The following ATP8B3 variants were observed in gnomAD, a reference collection of about 807,000 sequenced individuals.
ATP8B3 encodes phospholipid-transporting ATPase IK.
Under a neutral mutation model 140.9 loss-of-function variants are expected in ATP8B3, and 141 were observed. The ratio of observed to expected loss-of-function variants is 1.00; its 90% confidence interval spans 0.87 to 1.15. The LOEUF is 1.15. Among genes scored for constraint, ATP8B3 ranks in the 50% most tolerant of loss-of-function variants. The pLI is 0.00. For missense variants in ATP8B3, 1,874 were observed against 1,740.6 expected, an observed-to-expected ratio of 1.08 and a Z score of -1.36; for synonymous variants, 765 against 714.6, an observed-to-expected ratio of 1.07 and a Z score of -1.13.
At chr19:1,783,811 G>A (rs956097592) in intron 28 of ATP8B3, among the ~76,000 whole-genome samples, 1 of 152,086 alleles carries the variant, frequency 6.6e-6, no homozygotes, top group South Asian at 2.1e-4. Flanking sequence ...TTCCATGCAT[G>A]CTTTGGTTAC....
chr19:1,783,250 G>T lies in ATP8B3; in HGVS notation c.3681C>A (p.Gly1227=), dbSNP rs1340242453. Residue 1227 remains glycine, a synonymous_variant, in exon 29 of 29, where the codon GGC becomes GGA. Coordinates refer to ENST00000310127, the MANE Select transcript of ATP8B3 (RefSeq NM_138813.4). The stretch of plus-strand genomic sequence containing the variant: ...CCATGGTGAAAATCTCCTCGCTGGG[G>T]CCCTCCTCCACCTTCTCCTCCTGAA... ...LRAKEEKVEE[G]PSEEIFTMEP... 1.2e-6 allele frequency: 2 copies of T among 1,609,742 alleles called. No homozygotes were observed. Among genetic ancestry groups the T allele is most frequent in the Non-Finnish European group, 8.5e-7 (1 of 1,178,086 alleles).
rs560109719 is a variant in ATP8B3, at chr19:1,806,564, G to A, written c.677+64C>T. 1.6e-5 allele frequency: 25 copies of A among 1,546,576 alleles called. No homozygotes were observed. In the South Asian group the frequency reaches 2.3e-4, roughly 14 times the overall value. ...AAGGTGATGGACACTTGCCGAGGCCGATGACCCTGCTGGGCTGGAGCCCCC... is the reference window on the plus strand; with the variant it reads ...AAGGTGATGGACACTTGCCGAGGCCAATGACCCTGCTGGGCTGGAGCCCCC... On this transcript the variant is annotated intron_variant, in intron 7 of 28. Coordinates refer to ENST00000310127, the MANE Select transcript of ATP8B3 (RefSeq NM_138813.4). This position sits in a 1 kb window ranked among gnomAD's most constrained non-coding sequence, Gnocchi z 5.6.
rs574629653 is a variant in ATP8B3 at position 1,800,302 on chromosome 19, G to A, written c.1300C>T (p.Leu434Phe). ...GGGATGGTGACGCTGAGCAGGATGA[G>A]GAAGCTCCAGAAGACGAAGAAGGAC... Reference protein sequence around the residue: ...AESFFVFWSFLILLSVTIPMS... With the variant: ...AESFFVFWSFFILLSVTIPMS... Residue 434 changes from leucine to phenylalanine, a missense_variant, in exon 13 of 29, where the codon CTC (leucine) becomes TTC (phenylalanine). By Grantham distance (22) the Leu-to-Phe change is conservative. Coordinates refer to ENST00000310127, the MANE Select transcript of ATP8B3 (RefSeq NM_138813.4). The surrounding 1 kb of genome is among the most constrained non-coding windows in gnomAD (Gnocchi z 4.4). 198 of 1,612,916 alleles carry A rather than the reference G, an allele frequency of 1.2e-4. 1 individual carries two copies. The South Asian group carries it at 2.1e-3, about 17-fold the overall frequency.
chr19:1,811,653 C>G lies in ATP8B3; in HGVS notation c.84G>C (p.Thr28=), dbSNP rs143564708. 6 of 1,610,790 alleles carry G rather than the reference C, an allele frequency of 3.7e-6. No individual in the cohort carries two copies. The African/African-American group carries it at 6.7e-5, about 18-fold the overall frequency. Residue 28 remains threonine (T), a synonymous_variant, in exon 2 of 29, where the codon ACG becomes ACC. Transcript: ENST00000310127. ...PSPAPPGPGD[T]GDSDVTQEGS... Reference sequence around the variant, plus strand: ...CTTCCTGAGTCACGTCTGAGTCACCCGTGTCCCCAGGTCCTGGTGGGGCAG... The same window carrying G: ...CTTCCTGAGTCACGTCTGAGTCACCGGTGTCCCCAGGTCCTGGTGGGGCAG...
intron 28 of ATP8B3, among the ~76,000 whole-genome samples, chr19:1,783,975 C>T (rs2068230111): frequency 6.6e-6 from 1 of 152,130 alleles, no homozygotes; most frequent in South Asian, 2.1e-4. Context: ...GCTGGGATTA[C>T]AGGTGTGAAC....
Position 1,811,811 on chromosome 19 carries a change from C to T in ATP8B3, c.-75G>A, listed in dbSNP as rs1327151488. 6.9e-7 allele frequency: 1 copy of T among 1,455,312 alleles called. No individual in the cohort carries two copies. Among genetic ancestry groups the T allele is most frequent in the Non-Finnish European group, 9.1e-7 (1 of 1,097,752 alleles). 90.1% of individuals were successfully genotyped at this position (1,455,312 alleles called of 1,614,324 possible). ...TGGGACGGGGGAGAGGTGGGGGAGACCCCCGTGGGGGCAGACTGGGGATTG... is the reference window on the plus strand; with the variant it reads ...TGGGACGGGGGAGAGGTGGGGGAGATCCCCGTGGGGGCAGACTGGGGATTG... On this transcript the variant is annotated 5_prime_UTR_variant, in exon 2 of 29. Transcript: ENST00000310127.
chr19:1,811,490 C>T lies in ATP8B3; in HGVS notation c.247G>A (p.Gly83Ser), dbSNP rs748900658. The T allele has an allele frequency of 1.9e-6, 3 of 1,611,472 alleles. No homozygotes were observed. The highest frequency in any genetic ancestry group is 4.5e-5 in the East Asian group (2 of 44,862). ...RARKYEWRPEGPTSMGSLGQR... is the reference protein window; with the variant it reads ...RARKYEWRPESPTSMGSLGQR... ...GCCACCCGATGCACCCGTCCTCACC[C>T]TTCTGGTCTCCATTCATACTTCCTA... Residue 83 changes from glycine to serine, a missense_variant and splice_region_variant, in exon 2 of 29, where the codon GGC becomes AGC. By Grantham distance (56) the Gly-to-Ser change is moderately conservative (BLOSUM62 0). Around this residue, in one of 3 missense-constraint regions of ATP8B3, gnomAD observed 1,032 missense variants for 963.6 expected, o/e 1.07. Coordinates refer to ENST00000310127, the MANE Select transcript of ATP8B3 (RefSeq NM_138813.4).
In ATP8B3 at chr19:1,811,771, G is replaced by A. The variant is rs758068551; in HGVS notation, c.-35C>T. ...GAGGAAAAGGGAGGTTCAGGGCGAA[G>A]AGGGGTTTAGGCTGTGGGACGGGGG... is the stretch of plus-strand genomic sequence containing the variant. On this transcript the variant is annotated 5_prime_UTR_variant, in exon 2 of 29. Transcript: ENST00000310127. 81 of 1,551,520 alleles carry A rather than the reference G, an allele frequency of 5.2e-5. No individual in the cohort carries two copies. Among genetic ancestry groups the A allele is most frequent in the Non-Finnish European group, 6.7e-5 (77 of 1,154,274 alleles).
At chr19:1,785,112 C>A in intron 27 of ATP8B3, 47 bp downstream of exon 27, 1 of 1,495,568 alleles carries the variant, frequency 6.7e-7, no homozygotes, top group Non-Finnish European at 8.9e-7. Context: ...TCCATCGGGG[C>A]TCCCCTGCAC....
At chr19:1,795,827 AC>A in intron 18 of ATP8B3, 47 bp downstream of exon 18, 3 of 1,321,696 alleles carry the variant, frequency 2.3e-6, no homozygotes, top group East Asian at 4.6e-5. Flanking sequence ...ACACACACAC[AC>A]ACACACACAC....
Position 1,805,851 on chromosome 19 carries a change from A to AC in ATP8B3, c.821+36dup. On this transcript the variant is annotated intron_variant, in intron 9 of 28. Coordinates refer to ENST00000310127, the MANE Select transcript of ATP8B3 (RefSeq NM_138813.4). The surrounding 1 kb of genome is among the most constrained non-coding windows in gnomAD (Gnocchi z 5.2). ...GGGGCTCCTCCGGGCCATGCTCCCC[A>AC]CCCCCCAGGGTCCCCAGCGATGCCA... 1.9e-6 allele frequency: 3 copies of AC among 1,609,824 alleles called. No homozygotes were observed. The highest frequency in any genetic ancestry group is 2.2e-5 in the South Asian group (2 of 90,944).
At position 1,805,715 on chromosome 19, in the gene ATP8B3, C is replaced by T. The variant is rs550218632; in HGVS notation, c.821+173G>A. Among the ~76,000 whole-genome samples, 12 of 152,306 alleles carry T rather than the reference C, an allele frequency of 7.9e-5. No individual in the cohort carries two copies. In the East Asian group the frequency reaches 1.4e-3, roughly 17 times the overall value. ...CAATGGAAACAATGGGGAGGGTGGG[C>T]GTCTTCCTCCCCTCAGTGCCTGGCA... On this transcript the variant is annotated intron_variant, in intron 9 of 28. Transcript: ENST00000310127. The surrounding 1 kb of genome is among the most constrained non-coding windows in gnomAD (Gnocchi z 5.2).
intron 18 of ATP8B3, 25 bp downstream of exon 18, chr19:1,795,848 TAA>T (rs1491043692): frequency 2.6e-6 from 2 of 783,418 alleles, no homozygotes; most frequent in East Asian, 3.5e-5. Flanking sequence ...CACACACACA[TAA>T]GCCAGCCTTC....
intron 5 of ATP8B3, 87 bp downstream of exon 5, chr19:1,808,135 G>A: frequency 2.7e-6 from 3 of 1,097,712 alleles, no homozygotes; most frequent in South Asian, 2.7e-5. Context: ...TGGGGAGTGG[G>A]ACGTGAACCC....
intron 18 of ATP8B3, among the ~76,000 whole-genome samples, chr19:1,795,568 G>GACAAGACAAGAAAAAGAAAA (rs1477550005): frequency 1.3e-5 from 2 of 151,916 alleles, no homozygotes; most frequent in Non-Finnish European, 2.9e-5. Flanking sequence ...AGAAAAGAAA[G>GACAAGACAAGAAAAAGAAAA]ACAAGACAAG....
intron 3 of ATP8B3, 41 bp from the exon 4 acceptor site, chr19:1,809,775 A>G (rs779805273): frequency 1.3e-6 from 2 of 1,549,724 alleles, no homozygotes; most frequent in Admixed American, 1.9e-5. Flanking sequence ...CTCGAGGCCC[A>G]GGACAAACAC....
Position 1,794,624 on chromosome 19 carries a change from G to C in ATP8B3, c.2055+1251C>G, listed in dbSNP as rs2068612841. On this transcript the variant is annotated intron_variant, in intron 18 of 28. Coordinates refer to ENST00000310127, the MANE Select transcript of ATP8B3 (RefSeq NM_138813.4). This position sits in a 1 kb window ranked among gnomAD's most constrained non-coding sequence, Gnocchi z 4.8. ...GTGGGGCAGGAAAGGCCCCATGTGT[G>C]GGGAGCTTGTGGCTGAGTCATGAGG... Among the ~76,000 whole-genome samples the C allele has an allele frequency of 6.6e-6, 1 of 152,136 alleles. No homozygotes were observed. Among genetic ancestry groups the C allele is most frequent in the Non-Finnish European group, 1.5e-5 (1 of 68,014 alleles).
rs1381384527 is a variant in ATP8B3, at chr19:1,807,520, A to T, written c.517-254T>A. Among the ~76,000 whole-genome samples, 2 of 151,502 alleles carry T rather than the reference A, an allele frequency of 1.3e-5. No individual in the cohort carries two copies. The highest frequency in any genetic ancestry group is 3.9e-4 in the East Asian group (2 of 5,122). On this transcript the variant is annotated intron_variant, in intron 5 of 28. Coordinates refer to ENST00000310127, the MANE Select transcript of ATP8B3 (RefSeq NM_138813.4). The surrounding 1 kb of genome is among the most constrained non-coding windows in gnomAD (Gnocchi z 5.9). ...CTTCTCCCGTCCAAGCCCAGCTCCC[A>T]CGGTGCCTTCTCCAGGGAGCCTCCC...
Position 1,789,231 on chromosome 19 carries a change from C to T in ATP8B3, c.2846-111G>A, listed in dbSNP as rs865779262. On this transcript the variant is annotated intron_variant, in intron 23 of 28. Transcript: ENST00000310127. Reference sequence around the variant, plus strand: ...TCAGCCCCCCCCATCTGCTTCAGGTCCCCCCAGTCCCACCGCCGCCTCCAT... The same window carrying T: ...TCAGCCCCCCCCATCTGCTTCAGGTTCCCCCAGTCCCACCGCCGCCTCCAT... 1.8e-3 allele frequency: 1,404 copies of T among 802,160 alleles called. 19 individuals carry two copies. Among genetic ancestry groups the T allele is most frequent in the Middle Eastern group, 0.015 (38 of 2,536 alleles). The allele number at this position is 802,160 out of a possible 1,614,324, so 49.7% of individuals were successfully genotyped here.
Sources: gnomAD v4.1 joint callset for allele counts (sites outside exome capture counted in the v4.1 genomes callset) on GRCh38, gnomAD v4.1.1 for gene constraint, gnomAD v4.1.1 regional missense constraint, Gnocchi (gnomAD v3.1) non-coding constraint, MANE v1.5 for transcripts, NCBI Gene and HGNC (gene_info 2026-07-23, HGNC 2026-07-21) for gene names.